Variants in MAGI1 observed in about 807,000 individuals in gnomAD.
The protein encoded by MAGI1 is membrane associated guanylate kinase, WW and PDZ domain containing 1.
Under a neutral mutation model 139.9 loss-of-function variants are expected in MAGI1, and 58 were observed. The observed-to-expected ratio is 0.41, with a 90% CI of 0.34 to 0.52. The LOEUF (loss-of-function observed/expected upper bound fraction) is 0.52. MAGI1 is among the 20% of genes least tolerant of loss of function. MAGI1 has a pLI of 0.12. For missense variants in MAGI1, 1,874 were observed against 1,901.6 expected (o/e 0.99, Z 0.27); for synonymous variants, 812 against 737.9 (o/e 1.10, Z -1.63).
intron 1 of MAGI1, among the ~76,000 whole-genome samples, chr3:65,702,954 T>C (rs1239762118): frequency 6.6e-6 from 1 of 151,982 alleles, no homozygotes; most frequent in South Asian, 2.1e-4. Context: ...GATGCAGGAC[T>C]ACCCCCTGCT....
chr3:65,779,384 G>C (rs139368263), intron 1 of MAGI1, among the ~76,000 whole-genome samples: 1 of 152,198 alleles, frequency 6.6e-6, no homozygotes, highest in African/African-American at 2.4e-5. Context: ...AAGAAGGGCC[G>C]GGAGGGGACT....
chr3:65,961,731 A>G (rs1347063996), intron 1 of MAGI1, among the ~76,000 whole-genome samples: 1 of 152,222 alleles, frequency 6.6e-6, no homozygotes, highest in Non-Finnish European at 1.5e-5. Flanking sequence ...ACTGATATCA[A>G]AGAACCACAT....
intron 1 of MAGI1, among the ~76,000 whole-genome samples, chr3:65,651,768 A>G (rs746498681): frequency 1.3e-5 from 2 of 152,122 alleles, no homozygotes; most frequent in Non-Finnish European, 2.9e-5. Flanking sequence ...TGAAAGCAAC[A>G]ATGTGCCCCA....
At chr3:65,854,974 A>G (rs2059324480) in intron 1 of MAGI1, among the ~76,000 whole-genome samples, 1 of 152,228 alleles carries the variant, frequency 6.6e-6, no homozygotes. Context: ...TAATATAAAT[A>G]ACTACGTACA....
chr3:65,595,023 G>A (rs979581508), intron 2 of MAGI1, among the ~76,000 whole-genome samples: 1 of 152,152 alleles, frequency 6.6e-6, no homozygotes, highest in African/African-American at 2.4e-5. Flanking sequence ...GCAGCACAGG[G>A]TCAAAGAGAA....
At chr3:65,497,303 G>A (rs565419446) in intron 2 of MAGI1, among the ~76,000 whole-genome samples, 90 of 152,144 alleles carry the variant, frequency 5.9e-4, no homozygotes, top group Non-Finnish European at 9.8e-4. Flanking sequence ...TCGAAGATGA[G>A]AATAAGAGAA....
At chr3:65,846,282 C>G (rs990409863) in intron 1 of MAGI1, among the ~76,000 whole-genome samples, 11 of 152,196 alleles carry the variant, frequency 7.2e-5, no homozygotes, top group Non-Finnish European at 2.9e-5. Flanking sequence ...GAAAACTAGT[C>G]TTATTCTAGG....
intron 18 of MAGI1, among the ~76,000 whole-genome samples, chr3:65,375,331 G>A (rs1942404729): frequency 6.6e-6 from 1 of 152,072 alleles, no homozygotes; most frequent in South Asian, 2.1e-4. Flanking sequence ...TGGGACTACA[G>A]GCGCCCGCCA....
chr3:65,916,878 C>T (rs1447055358), intron 1 of MAGI1, among the ~76,000 whole-genome samples: 2 of 152,084 alleles, frequency 1.3e-5, no homozygotes, highest in African/African-American at 4.8e-5. Context: ...AGACAGTTGT[C>T]AGGGATAAGT....
intron 2 of MAGI1, among the ~76,000 whole-genome samples, chr3:65,500,940 C>T (rs1039913563): frequency 1.3e-5 from 2 of 152,186 alleles, no homozygotes; most frequent in African/African-American, 2.4e-5. Context: ...TGATAAATAT[C>T]CAGAGTATCA....
intron 1 of MAGI1, among the ~76,000 whole-genome samples, chr3:65,975,458 T>G (rs2065221091): frequency 6.6e-6 from 1 of 152,040 alleles, no homozygotes; most frequent in African/African-American, 2.4e-5. Flanking sequence ...AAGTCTGAAT[T>G]GAAAGATGGT....
Position 65,835,997 on chromosome 3 carries a change from T to C in MAGI1, c.313+201999A>G, listed in dbSNP as rs1448691703. Among the ~76,000 whole-genome samples the C allele has an allele frequency of 2.0e-5, 3 of 152,116 alleles. No individual in the cohort carries two copies. In the East Asian group the frequency reaches 5.8e-4, roughly 29 times the overall value. On this transcript the variant is annotated intron_variant, in intron 1 of 22. Coordinates refer to ENST00000402939, the MANE Select transcript of MAGI1 (RefSeq NM_001033057.2). The stretch of plus-strand genomic sequence containing the variant: ...TCCACATCACTGCAGGCAAGCAAGC[T>C]GGGGGTTACCTGCTCAACTGAGGAC...
intron 2 of MAGI1, among the ~76,000 whole-genome samples, chr3:65,601,601 C>T (rs557943928): frequency 2.2e-4 from 34 of 152,102 alleles, no homozygotes; most frequent in African/African-American, 7.7e-4. Context: ...AAGTTGGACC[C>T]CCACCTCCAC....
rs755264631 is a variant in MAGI1 at position 65,379,520 on chromosome 3, G to A, written c.2736C>T (p.Ala912=). The change falls in exon 17 of 23, where the codon GCC becomes GCT. Residue 912 remains alanine, a synonymous_variant. Transcript: ENST00000402939. The part of the protein sequence containing the change: ...PKTENEVPSP[A]SSHHSSNQPA... ...GCTGGTTGCTACTGTGATGAGAGGAGGCTGGCGAGGGCACCTCGTTCTCGG... is the reference window on the plus strand; with the variant it reads ...GCTGGTTGCTACTGTGATGAGAGGAAGCTGGCGAGGGCACCTCGTTCTCGG... 1 of 1,611,974 alleles carries A rather than the reference G, an allele frequency of 6.2e-7. No individual in the cohort carries two copies. The highest frequency in any genetic ancestry group is 1.3e-5 in the African/African-American group (1 of 74,990).
intron 1 of MAGI1, among the ~76,000 whole-genome samples, chr3:65,934,719 T>G (rs969754869): frequency 6.6e-6 from 1 of 151,926 alleles, no homozygotes; most frequent in Admixed American, 6.6e-5. Context: ...CCCTCTTATA[T>G]TGGGCCATTT....
At chr3:65,859,558 G>A (rs1339181814) in intron 1 of MAGI1, among the ~76,000 whole-genome samples, 2 of 151,836 alleles carry the variant, frequency 1.3e-5, no homozygotes, top group Non-Finnish European at 2.9e-5. Context: ...GTGAAACCCC[G>A]CCTCTATTAA....
At chr3:65,758,747 G>A (rs750194147) in intron 1 of MAGI1, among the ~76,000 whole-genome samples, 10 of 152,012 alleles carry the variant, frequency 6.6e-5, no homozygotes, top group Non-Finnish European at 1.2e-4. Context: ...AATATGGCAA[G>A]GTTGAGAAAC....
chr3:65,966,609 G>C (rs372141886), intron 1 of MAGI1, among the ~76,000 whole-genome samples: 4 of 152,054 alleles, frequency 2.6e-5, no homozygotes, highest in Non-Finnish European at 5.9e-5. Context: ...GCAGGGGTAG[G>C]GGGGAGCGGG....
intron 1 of MAGI1, among the ~76,000 whole-genome samples, chr3:65,638,270 T>C (rs973022594): frequency 2.0e-5 from 3 of 152,150 alleles, no homozygotes; most frequent in African/African-American, 7.2e-5. Flanking sequence ...CTTTCCTTCA[T>C]CATCTGACTT....
Sources: gnomAD v4.1 joint callset for allele counts (sites outside exome capture counted in the v4.1 genomes callset) on GRCh38, gnomAD v4.1.1 for gene constraint, MANE v1.5 for transcripts, NCBI Gene and HGNC (gene_info 2026-07-23, HGNC 2026-07-21) for gene names.